MARCHF10: variants seen among roughly 807,000 people sequenced by gnomAD.
The protein encoded by MARCHF10 is probable E3 ubiquitin-protein ligase MARCHF10.
MARCHF10 carries 64 observed loss-of-function variants against 76.2 expected under a neutral mutation model. The ratio of observed to expected loss-of-function variants is 0.84; its 90% CI spans 0.69 to 1.03. MARCHF10 has a LOEUF of 1.03. Ranked by LOEUF, MARCHF10 falls within the 50% of genes least tolerant of loss-of-function variation. The pLI, the probability that MARCHF10 is intolerant of heterozygous loss-of-function variation, is 0.00. For synonymous variants in MARCHF10, 340 were observed against 357.5 expected (o/e 0.95, Z 0.55); for missense variants, 875 against 958.0 (o/e 0.91, Z 1.14).
At chr17:62,717,265 C>A (rs186892185) in intron 8 of MARCHF10, among the ~76,000 whole-genome samples, 27 of 152,338 alleles carry the variant, frequency 1.8e-4, no homozygotes, top group African/African-American at 6.5e-4. Context: ...TCAGCCGCCT[C>A]CAGACAGCAG....
chr17:62,735,681 T>C, intron 6 of MARCHF10: 1 of 484,590 alleles, frequency 2.1e-6, no homozygotes, highest in African/African-American at 2.0e-5. Context: ...GACTTAAGGG[T>C]GTGGTATTCA....
rs757848067 is a variant in MARCHF10, at chr17:62,722,597, C to T, written c.2105G>A (p.Gly702Glu). Residue 702 changes from glycine to glutamate, a missense_variant and splice_region_variant, in exon 8 of 11, where the codon GGA (glycine) becomes GAA (glutamate). Physicochemically the swap from Gly to Glu is moderately conservative, Grantham distance 98 (BLOSUM62 -2). Coordinates refer to ENST00000311269, the MANE Select transcript of MARCHF10 (RefSeq NM_152598.4). ...KKWLKVKITS[G>E]ADLGAVKTCE... ...GGTCTTCACGGCACCAAGATCTGCT[C>T]CTTAAATTGGATAAAGAATTATATG... 4 of 1,611,766 alleles carry T rather than the reference C, an allele frequency of 2.5e-6. No individual in the cohort carries two copies. The highest frequency in any genetic ancestry group is 3.4e-6 in the Non-Finnish European group (4 of 1,178,774).
At chr17:62,761,726 C>T (rs564477483) in intron 3 of MARCHF10, among the ~76,000 whole-genome samples, 54 of 152,254 alleles carry the variant, frequency 3.5e-4, no homozygotes, top group Non-Finnish European at 5.0e-4. Flanking sequence ...CTGGCTAAAA[C>T]ATTAGGTCAT....
chr17:62,791,249 G>A (rs1038433567), intron 2 of MARCHF10, among the ~76,000 whole-genome samples: 1 of 152,232 alleles, frequency 6.6e-6, no homozygotes, highest in African/African-American at 2.4e-5. Flanking sequence ...TCAAATGGGA[G>A]CTTGTGTTTG....
intron 8 of MARCHF10, among the ~76,000 whole-genome samples, chr17:62,721,387 T>A (rs1335665585): frequency 6.6e-6 from 1 of 152,100 alleles, no homozygotes; most frequent in African/African-American, 2.4e-5. Flanking sequence ...GTACTGTGTC[T>A]TTGAAATTTG....
At chr17:62,785,572 C>T (rs1293500994) in intron 3 of MARCHF10, among the ~76,000 whole-genome samples, 1 of 152,128 alleles carries the variant, frequency 6.6e-6, no homozygotes, top group Non-Finnish European at 1.5e-5. Flanking sequence ...AAGAAACTAC[C>T]ATTAGAGTGA....
At chr17:62,799,871 G>A (rs147051027) in intron 2 of MARCHF10, among the ~76,000 whole-genome samples, 115 of 152,220 alleles carry the variant, frequency 7.6e-4, no homozygotes, top group African/African-American at 2.7e-3. Context: ...GGTTTCATCC[G>A]GGCTGGTTCC....
At chr17:62,724,846 T>A in intron 7 of MARCHF10, 92 bp downstream of exon 7, 2 of 1,373,172 alleles carry the variant, frequency 1.5e-6, no homozygotes, top group Non-Finnish European at 2.0e-6. Context: ...CGGAGGAGAG[T>A]GAGCTGATGA....
intron 1 of MARCHF10, among the ~76,000 whole-genome samples, chr17:62,807,319 G>A (rs2093177628): frequency 6.6e-6 from 1 of 150,908 alleles, no homozygotes; most frequent in Non-Finnish European, 1.5e-5. Context: ...GTTGGGAAAG[G>A]TAAGGAGATC....
chr17:62,795,057 T>C (rs915810509), intron 2 of MARCHF10: 1 of 985,226 alleles, frequency 1.0e-6, no homozygotes, highest in Non-Finnish European at 1.2e-6. Flanking sequence ...CTCACCTCCG[T>C]CCCTATGGGA....
chr17:62,796,288 G>A (rs79355746), intron 2 of MARCHF10, among the ~76,000 whole-genome samples: 6,348 of 152,040 alleles, frequency 0.042, 459 homozygotes, highest in African/African-American at 0.14. Flanking sequence ...CACTGCGCCC[G>A]GCCTACATCA....
intron 8 of MARCHF10, among the ~76,000 whole-genome samples, chr17:62,715,488 C>T (rs1437509750): frequency 2.0e-5 from 3 of 152,208 alleles, no homozygotes; most frequent in Admixed American, 6.5e-5. Context: ...TTTGGCTCGC[C>T]GCATGCTGCT....
intron 6 of MARCHF10, among the ~76,000 whole-genome samples, chr17:62,734,973 G>A (rs545488679): frequency 2.6e-5 from 4 of 152,268 alleles, no homozygotes; most frequent in South Asian, 2.1e-4. Context: ...CCCCTTAACC[G>A]TGGGTCGGTC....
rs1418088875 is a variant in MARCHF10, at chr17:62,736,037, T to C, written c.1831A>G (p.Asn611Asp). The change falls in exon 6 of 11, where the codon AAT becomes GAT. Residue 611 changes from asparagine (N) to aspartate (D), a missense_variant. Transcript: ENST00000311269. The stretch of plus-strand genomic sequence containing the variant: ...ATCCTGCTCCCATTATCATTTTGAT[T>C]TGGGAAATGAGACACTGCAAAGAAA... ...FTFFAVSHFP[N>D]QNDNGSRMAA... The C allele has an allele frequency of 6.2e-7, 1 of 1,614,178 alleles. No homozygotes were observed. Among genetic ancestry groups the C allele is most frequent in the African/African-American group, 1.3e-5 (1 of 75,046 alleles).
At chr17:62,725,552 C>T (rs1372762739) in intron 6 of MARCHF10, among the ~76,000 whole-genome samples, 2 of 152,158 alleles carry the variant, frequency 1.3e-5, no homozygotes, top group Admixed American at 6.5e-5. Context: ...GGTGTGAGCC[C>T]CTGGGCCTGG....
intron 9 of MARCHF10, among the ~76,000 whole-genome samples, chr17:62,706,641 A>G (rs1208001599): frequency 2.0e-5 from 3 of 152,102 alleles, no homozygotes; most frequent in African/African-American, 7.2e-5. Context: ...GGATTTGAGA[A>G]TGGCTTCTAG....
At chr17:62,754,827 G>C (rs1371511871) in intron 4 of MARCHF10, among the ~76,000 whole-genome samples, 1 of 152,096 alleles carries the variant, frequency 6.6e-6, no homozygotes, top group Non-Finnish European at 1.5e-5. Flanking sequence ...GACACCAGTT[G>C]GACTTGCCGC....
At chr17:62,784,733 G>C (rs964122315) in intron 3 of MARCHF10, among the ~76,000 whole-genome samples, 2 of 152,124 alleles carry the variant, frequency 1.3e-5, no homozygotes, top group African/African-American at 4.8e-5. Context: ...ACCAATAACA[G>C]ACAAACAGAC....
intron 8 of MARCHF10, among the ~76,000 whole-genome samples, chr17:62,718,948 T>C (rs180749918): frequency 1.6e-4 from 25 of 152,304 alleles, no homozygotes; most frequent in African/African-American, 6.0e-4. Flanking sequence ...CCTTATTCAC[T>C]GAACTCTTCA....
Sources: gnomAD v4.1 joint callset for allele counts (sites outside exome capture counted in the v4.1 genomes callset) on GRCh38, gnomAD v4.1.1 for gene constraint, MANE v1.5 for transcripts, NCBI Gene and HGNC (gene_info 2026-07-23, HGNC 2026-07-21) for gene names.